Variants in SLC5A4 observed in about 807,000 individuals in gnomAD.
SLC5A4 encodes solute carrier family 5 member 4.
Under a neutral mutation model 70.3 loss-of-function variants are expected in SLC5A4, and 55 were observed. The ratio of observed to expected loss-of-function variants is 0.78; its 90% CI spans 0.63 to 0.98. SLC5A4 has a LOEUF of 0.98. SLC5A4 is among the 50% of genes least tolerant of loss of function. SLC5A4 has a pLI of 0.00. For missense variants in SLC5A4, 735 were observed against 839.2 expected, an observed-to-expected ratio of 0.88 and a Z score of 1.53; for synonymous variants, 268 against 305.7, an observed-to-expected ratio of 0.88 and a Z score of 1.29.
chr22:32,342,496 C>A, the SLC5A4 span, among the ~76,000 whole-genome samples: 1 of 151,916 alleles, frequency 6.6e-6, no homozygotes, highest in African/African-American at 2.4e-5. Context: ...CAAAAACAAC[C>A]CAAAATTTCT....
At chr22:32,260,867 G>GT in the SLC5A4 span, among the ~76,000 whole-genome samples, 1 of 152,166 alleles carries the variant, frequency 6.6e-6, no homozygotes, top group East Asian at 1.9e-4. Context: ...GAAGTCAGGA[G>GT]TTTGACACCA....
chr22:32,293,817 T>G, the SLC5A4 span, among the ~76,000 whole-genome samples: 1 of 152,152 alleles, frequency 6.6e-6, no homozygotes, highest in East Asian at 1.9e-4. Context: ...TTATATATTT[T>G]AAAAATTTTA....
chr22:32,257,659 C>CTTTCTTTTTT (rs372175308), upstream of SLC5A4, among the ~76,000 whole-genome samples: 5 of 141,932 alleles, frequency 3.5e-5, no homozygotes, highest in African/African-American at 1.3e-4. Context: ...GCAAGGTTTT[C>CTTTCTTTTTT]TTTTTTTTTT....
At chr22:32,309,551 G>A in the SLC5A4 span, among the ~76,000 whole-genome samples, 1 of 152,028 alleles carries the variant, frequency 6.6e-6, no homozygotes, top group Non-Finnish European at 1.5e-5. Context: ...CTCATTGAAG[G>A]ACCTGCCAGC....
At chr22:32,340,273 C>G in the SLC5A4 span, among the ~76,000 whole-genome samples, 1 of 152,218 alleles carries the variant, frequency 6.6e-6, no homozygotes, top group African/African-American at 2.4e-5. Flanking sequence ...GCTACTGTTA[C>G]TAACGGTACT....
the SLC5A4 span, among the ~76,000 whole-genome samples, chr22:32,302,794 T>C: frequency 0.77 from 116,544 of 152,130 alleles, 45,337 homozygotes; most frequent in African/African-American, 0.92. Flanking sequence ...TCAAAATTAT[T>C]TTAAGCTATT....
chr22:32,237,200 G>T, intron 7 of SLC5A4, 44 bp downstream of exon 7: 1 of 1,392,252 alleles, frequency 7.2e-7, no homozygotes, highest in Non-Finnish European at 1.0e-6. Context: ...AACAAGTCCC[G>T]TGATTTCCAG....
chr22:32,230,922 T>C (rs768350117), intron 10 of SLC5A4, 46 bp downstream of exon 10: 1 of 1,242,628 alleles, frequency 8.0e-7, no homozygotes, highest in Non-Finnish European at 1.2e-6. Flanking sequence ...TCGAGGCCCG[T>C]CTTAGACAGG....
intron 13 of SLC5A4, among the ~76,000 whole-genome samples, chr22:32,221,773 A>G (rs926644263): frequency 1.3e-5 from 2 of 152,258 alleles, no homozygotes; most frequent in East Asian, 3.9e-4. Context: ...TTCAATAAGA[A>G]GGAGTTTCCA....
At chr22:32,239,536 A>ATATATATATATATATATT (rs1926283720) in intron 5 of SLC5A4, among the ~76,000 whole-genome samples, 1 of 12,064 alleles carries the variant, frequency 8.3e-5, no homozygotes, top group African/African-American at 5.6e-4. Context: ...ATATATATAT[A>ATATATATATATATATATT]TATATATATA....
intron 4 of SLC5A4, 65 bp from the exon 5 acceptor site, chr22:32,247,580 A>G: frequency 1.2e-5 from 12 of 1,031,204 alleles, no homozygotes; most frequent in Non-Finnish European, 1.8e-5. Context: ...CAGATTATTC[A>G]GCATTTCCTA....
chr22:32,328,973 G>A, the SLC5A4 span, among the ~76,000 whole-genome samples: 1 of 152,232 alleles, frequency 6.6e-6, no homozygotes, highest in African/African-American at 2.4e-5. Flanking sequence ...GGCTGCCTGG[G>A]AAGGTCTTCC....
intron 5 of SLC5A4, among the ~76,000 whole-genome samples, chr22:32,239,574 ATATATATTTATATATATATAAATTAT>A (rs1926364792): frequency 8.0e-5 from 2 of 24,974 alleles, no homozygotes; most frequent in African/African-American, 4.7e-4. Flanking sequence ...ATATATTTAT[ATATATATTTATATATATATAAATTAT>A]ATAAAATATA....
chr22:32,344,600 G>C, the SLC5A4 span, among the ~76,000 whole-genome samples: 1 of 152,052 alleles, frequency 6.6e-6, no homozygotes, highest in Non-Finnish European at 1.5e-5. Context: ...GAGATTTTCA[G>C]TATTCTTTTT....
the SLC5A4 span, among the ~76,000 whole-genome samples, chr22:32,291,781 T>C: frequency 1.2e-4 from 18 of 151,070 alleles, no homozygotes; most frequent in African/African-American, 4.4e-4. Flanking sequence ...CTATTTATAT[T>C]TCTTGTTTTC....
the SLC5A4 span, among the ~76,000 whole-genome samples, chr22:32,307,756 G>A: frequency 3.9e-5 from 6 of 152,212 alleles, no homozygotes; most frequent in Non-Finnish European, 8.8e-5. Flanking sequence ...GTCTTCCGGA[G>A]GGGACAGGGC....
the SLC5A4 span, among the ~76,000 whole-genome samples, chr22:32,331,216 G>A: frequency 1.5e-5 from 2 of 134,870 alleles, no homozygotes; most frequent in African/African-American, 2.8e-5. Flanking sequence ...ATTGGGGGCT[G>A]TGTGTTGGGG....
the SLC5A4 span, among the ~76,000 whole-genome samples, chr22:32,288,273 T>C: frequency 1.3e-5 from 2 of 152,154 alleles, no homozygotes; most frequent in African/African-American, 4.8e-5. Flanking sequence ...CACAGGAAGA[T>C]TACACTTCCT....
chr22:32,347,282 T>G, the SLC5A4 span, among the ~76,000 whole-genome samples: 1 of 152,212 alleles, frequency 6.6e-6, no homozygotes, highest in African/African-American at 2.4e-5. Flanking sequence ...TCAACCATTG[T>G]GGAAGTCAGT....
Sources: allele counts gnomAD v4.1 joint callset (sites outside exome capture counted in the v4.1 genomes callset), GRCh38; gene constraint gnomAD v4.1.1; transcripts MANE v1.5; gene names NCBI Gene and HGNC (gene_info 2026-07-23, HGNC 2026-07-21).